TFEB: variants seen among roughly 807,000 people sequenced by gnomAD.
TFEB encodes transcription factor EB.
TFEB carries 12 observed loss-of-function variants against 48.0 expected under a neutral mutation model. The ratio of observed to expected loss-of-function variants is 0.25; its 90% CI spans 0.16 to 0.40. The LOEUF (loss-of-function observed/expected upper bound fraction) is 0.40. Among genes scored for constraint, TFEB ranks in the 10% least tolerant of loss-of-function variants. The pLI, the probability that TFEB is intolerant of heterozygous loss-of-function variation, is 1.00. For missense variants in TFEB, 509 were observed against 640.3 expected, an observed-to-expected ratio of 0.79 and a Z score of 2.21; for synonymous variants, 244 against 261.4, an observed-to-expected ratio of 0.93 and a Z score of 0.64.
intron 4 of TFEB, among the ~76,000 whole-genome samples, chr6:41,688,699 G>A (rs2127447137): frequency 6.6e-6 from 1 of 152,236 alleles, no homozygotes. Context: ...CTACTAAAGG[G>A]ACCAATCACT....
intron 1 of TFEB, among the ~76,000 whole-genome samples, chr6:41,715,448 T>G (rs1222120657): frequency 6.6e-6 from 1 of 152,140 alleles, no homozygotes; most frequent in Non-Finnish European, 1.5e-5. Context: ...GGCGGGTGGA[T>G]CACCTGAGGT....
intron 1 of TFEB, among the ~76,000 whole-genome samples, chr6:41,727,471 A>G (rs1771262691): frequency 6.6e-6 from 1 of 152,162 alleles, no homozygotes; most frequent in African/African-American, 2.4e-5. Context: ...CGGCTGGATC[A>G]CTTGAGCCCA....
intron 1 of TFEB, among the ~76,000 whole-genome samples, chr6:41,695,586 T>G (rs1320031235): frequency 6.6e-6 from 1 of 152,062 alleles, no homozygotes; most frequent in Admixed American, 6.6e-5. Flanking sequence ...AGTAGCAGAA[T>G]GGAGATTTGA....
chr6:41,690,472 G>A (rs1769242171), intron 3 of TFEB, among the ~76,000 whole-genome samples, 191 bp downstream of exon 3: 1 of 152,226 alleles, frequency 6.6e-6, no homozygotes, highest in Non-Finnish European at 1.5e-5. Flanking sequence ...TTTCCTCTGT[G>A]AGGCTCCCTG....
intron 8 of TFEB, 30 bp from the exon 9 acceptor site, chr6:41,685,108 A>G: frequency 7.0e-7 from 1 of 1,420,778 alleles, no homozygotes. Context: ...AGGCTGGGGA[A>G]CACACCTATG....
At position 41,715,744 on chromosome 6, in the gene TFEB, C is replaced by T. The variant is rs562287791; in HGVS notation, c.-23+19606G>A. ...TCCCAGTACAGGGCAAAAAGCTCCA[C>T]GTACATCACGCCTATGACCCAGGTA... On this transcript the variant is annotated intron_variant, in intron 1 of 8. Transcript: ENST00000373033. 5.9e-5 allele frequency among the ~76,000 whole-genome samples: 9 copies of T among 152,116 alleles called. No homozygotes were observed. The South Asian group carries it at 1.7e-3, about 28-fold the overall frequency.
At chr6:41,704,115 C>T (rs574317411) in intron 1 of TFEB, among the ~76,000 whole-genome samples, 6 of 152,220 alleles carry the variant, frequency 3.9e-5, no homozygotes, top group Middle Eastern at 3.4e-3. Flanking sequence ...TCCCATTCAA[C>T]CCTCCTTCCC....
In TFEB at chr6:41,689,543, TC is replaced by T. The variant is rs573476573; in HGVS notation, c.549+187del. On this transcript the variant is annotated intron_variant, in intron 4 of 8. Coordinates refer to ENST00000373033, the MANE Select transcript of TFEB (RefSeq NM_001271944.2). ...GTGCACAGAGGCTGAGGCACATCCT[TC>T]TTGCTTCATAATTCCTCTTGGCCCC... 2.6e-5 allele frequency among the ~76,000 whole-genome samples: 4 copies of T among 152,280 alleles called. No homozygotes were observed. The South Asian group carries it at 6.2e-4, about 24-fold the overall frequency.
chr6:41,685,980 T>C (rs1768976439), intron 8 of TFEB, 110 bp downstream of exon 8: 1 of 1,376,806 alleles, frequency 7.3e-7, no homozygotes, highest in Non-Finnish European at 1.0e-6. Flanking sequence ...TCCTTCCTAA[T>C]GGGCATTATT....
Position 41,734,809 on chromosome 6 carries a change from A to G in TFEB, c.-23+541T>C, listed in dbSNP as rs1581945932. On this transcript the variant is annotated intron_variant, in intron 1 of 8. Transcript: ENST00000373033. The surrounding 1 kb of genome is among the most constrained non-coding windows in gnomAD (Gnocchi z 4.0). ...AGATGGTACTTCCACCCGCCCCCCC[A>G]TCAGCCCAGCCCCCGGGGCGTGGCG... is the stretch of plus-strand genomic sequence containing the variant. 2.2e-6 allele frequency: 1 copy of G among 444,978 alleles called. No individual in the cohort carries two copies. The highest frequency in any genetic ancestry group is 2.9e-6 in the Non-Finnish European group (1 of 340,870). 27.6% of individuals were successfully genotyped at this position (444,978 alleles called of 1,614,324 possible). A position where few individuals can be genotyped will look rare whatever the true frequency, so the allele number is the denominator to read the frequency against.
intron 4 of TFEB, among the ~76,000 whole-genome samples, chr6:41,689,390 A>G (rs1266797865): frequency 6.6e-6 from 1 of 152,018 alleles, no homozygotes. Context: ...ACACCTTCCC[A>G]TAGACACACT....
intron 1 of TFEB, among the ~76,000 whole-genome samples, chr6:41,706,511 C>A (rs1024405579): frequency 6.6e-6 from 1 of 151,790 alleles, no homozygotes; most frequent in Admixed American, 6.6e-5. Context: ...CCTTACACCC[C>A]CCCACCCCCA....
chr6:41,691,610 T>C lies in TFEB; in HGVS notation c.-22-375A>G. The C allele has an allele frequency of 4.7e-6, 2 of 423,894 alleles. No homozygotes were observed. The highest frequency in any genetic ancestry group is 8.9e-6 in the Non-Finnish European group (2 of 224,332). 26.3% of individuals were successfully genotyped at this position (423,894 alleles called of 1,614,324 possible). ...GGTGGGCCCAGCCTATCCTGGGTCT[T>C]ACCTGGAATCCCGCAGGAGTAGCCC... On this transcript the variant is annotated intron_variant, in intron 1 of 8. Transcript: ENST00000373033. This position sits in a 1 kb window ranked among gnomAD's most constrained non-coding sequence, Gnocchi z 5.2.
intron 1 of TFEB, among the ~76,000 whole-genome samples, chr6:41,721,568 C>T (rs560003879): frequency 2.0e-5 from 3 of 152,252 alleles, no homozygotes; most frequent in East Asian, 3.9e-4. Flanking sequence ...TTTGAAAAAC[C>T]TCCCTCCAAA....
intron 1 of TFEB, among the ~76,000 whole-genome samples, chr6:41,692,059 C>T (rs1213118512): frequency 6.6e-6 from 1 of 152,128 alleles, no homozygotes; most frequent in Non-Finnish European, 1.5e-5. Flanking sequence ...CAGAGACCTT[C>T]TAGGACCACC....
intron 7 of TFEB, 120 bp downstream of exon 7, chr6:41,686,974 T>A: frequency 3.6e-6 from 3 of 833,508 alleles, no homozygotes; most frequent in Non-Finnish European, 6.0e-6. Flanking sequence ...CTCAAATAGA[T>A]GAACTTCTAG....
In TFEB at chr6:41,735,488, G is replaced by A; in HGVS notation, c.-161C>T. 2 of 984,492 alleles carry A rather than the reference G, an allele frequency of 2.0e-6. No individual in the cohort carries two copies. Among genetic ancestry groups the A allele is most frequent in the Non-Finnish European group, 2.4e-6 (2 of 829,700 alleles). The allele number at this position is 984,492 out of a possible 1,614,324, so 61.0% of individuals were successfully genotyped here. On this transcript the variant is annotated 5_prime_UTR_variant, in exon 1 of 9. Coordinates refer to ENST00000373033, the MANE Select transcript of TFEB (RefSeq NM_001271944.2). ...CGGCCCCGTGCCACCAGGGAGGCCC[G>A]CCCCGTCCGCCCTTCCCGCCGCCGT...
intron 1 of TFEB, among the ~76,000 whole-genome samples, chr6:41,722,293 T>C (rs1034167703): frequency 6.6e-6 from 1 of 152,234 alleles, no homozygotes; most frequent in African/African-American, 2.4e-5. Context: ...TTCGCTATAT[T>C]AATTTAACTC....
chr6:41,694,484 C>T (rs1769476591), intron 1 of TFEB, among the ~76,000 whole-genome samples: 1 of 151,984 alleles, frequency 6.6e-6, no homozygotes, highest in South Asian at 2.1e-4. Context: ...TGGCCCTGGT[C>T]GCCAGCCTGG....
Sources: allele counts gnomAD v4.1 joint callset (sites outside exome capture counted in the v4.1 genomes callset), GRCh38; gene constraint gnomAD v4.1.1; non-coding constraint Gnocchi (gnomAD v3.1); transcripts MANE v1.5; gene names NCBI Gene and HGNC (gene_info 2026-07-23, HGNC 2026-07-21).